ZNF850: variants seen among roughly 807,000 people sequenced by gnomAD.
ZNF850 encodes zinc finger protein 850.
In ZNF850, 2 loss-of-function variants were observed where a neutral mutation model predicts 11.9. The observed-to-expected ratio is 0.17, with a 90% CI of 0.07 to 0.53. The LOEUF is 0.53. ZNF850 is among the 20% of genes least tolerant of loss of function. ZNF850 has a pLI of 0.94. For synonymous variants in ZNF850, 381 were observed against 443.0 expected (o/e 0.86, Z 1.76); for missense variants, 1,014 against 1,316.4 (o/e 0.77, Z 3.55).
intron 4 of ZNF850, among the ~76,000 whole-genome samples, chr19:36,753,442 A>AAAAAAAAAAAAAAAC (rs2040466438): frequency 6.9e-6 from 1 of 145,434 alleles, no homozygotes; most frequent in African/African-American, 2.6e-5. Flanking sequence ...AAAAAAAAAA[A>AAAAAAAAAAAAAAAC]AAAAGCCGGG....
intron 4 of ZNF850, among the ~76,000 whole-genome samples, chr19:36,754,779 G>A (rs565761883): frequency 6.6e-6 from 1 of 151,984 alleles, no homozygotes; most frequent in Non-Finnish European, 1.5e-5. Flanking sequence ...CTGGTCTTGA[G>A]CTACTGACCT....
chr19:36,756,894 G>A (rs1339501718), intron 4 of ZNF850, among the ~76,000 whole-genome samples: 4 of 152,192 alleles, frequency 2.6e-5, no homozygotes, highest in Non-Finnish European at 4.4e-5. Flanking sequence ...GATTACAGGC[G>A]TGAGCCACCG....
intron 1 of ZNF850, among the ~76,000 whole-genome samples, chr19:36,769,640 A>G (rs2040569913): frequency 6.6e-6 from 1 of 152,200 alleles, no homozygotes; most frequent in African/African-American, 2.4e-5. Flanking sequence ...TCAGCGATGG[A>G]GTTGATGGAT....
At chr19:36,769,067 C>T (rs1445602511) in intron 1 of ZNF850, among the ~76,000 whole-genome samples, 2 of 151,396 alleles carry the variant, frequency 1.3e-5, no homozygotes, top group East Asian at 1.9e-4. Flanking sequence ...TCATGACCAG[C>T]CTGGCCAACA....
chr19:36,767,901 G>A (rs1003910035), intron 1 of ZNF850, among the ~76,000 whole-genome samples: 5 of 152,134 alleles, frequency 3.3e-5, no homozygotes, highest in East Asian at 3.9e-4. Context: ...TAACACCAAC[G>A]TGTTTTTAAA....
Position 36,748,084 on chromosome 19 carries a change from AT to A in ZNF850, c.2955del (p.Glu985AspfsTer12). ...GAGCCGCAAGTAAAAGATTTCCCAC[AT>A]TCTTTACATTCATAAGGTCTGTCAC... ...HTGDRPYECKECGKSFTCGSE... is the reference protein window; with the variant it reads ...HTGDRPYECKXCGKSFTCGSE... On this transcript the variant is annotated frameshift_variant, in exon 5 of 5. Coordinates refer to ENST00000591344, the MANE Select transcript of ZNF850 (RefSeq NM_001193552.2). LOFTEE classifies it low-confidence loss of function (END_TRUNC). 6.4e-7 allele frequency: 1 copy of A among 1,555,392 alleles called. No homozygotes were observed. The highest frequency in any genetic ancestry group is 8.7e-7 in the Non-Finnish European group (1 of 1,153,738).
Position 36,750,531 on chromosome 19 carries a change from TAC to T in ZNF850, c.507_508del (p.Tyr170Ter). ...AAAAGCCATACATTCTGTGGATTTA[TAC>T]AGTTTCTCTCCAGGATGAATCCGAT... is the stretch of plus-strand genomic sequence containing the variant. On this transcript the variant is annotated frameshift_variant, in exon 5 of 5. Coordinates refer to ENST00000591344, the MANE Select transcript of ZNF850 (RefSeq NM_001193552.2). LOFTEE classifies it low-confidence loss of function (END_TRUNC). 6.5e-7 allele frequency: 1 copy of T among 1,536,236 alleles called. No homozygotes were observed. The highest frequency in any genetic ancestry group is 8.7e-7 in the Non-Finnish European group (1 of 1,146,922).
At chr19:36,770,734 A>AAAAAAAAAAAC (rs2040576619) in intron 1 of ZNF850, among the ~76,000 whole-genome samples, 1 of 147,616 alleles carries the variant, frequency 6.8e-6, no homozygotes, top group Non-Finnish European at 1.5e-5. Flanking sequence ...AAAAAAAAAA[A>AAAAAAAAAAAC]AAAAGCCAGC....
At chr19:36,769,446 G>C (rs78311007) in intron 1 of ZNF850, among the ~76,000 whole-genome samples, 318 of 151,658 alleles carry the variant, frequency 2.1e-3, no homozygotes, top group African/African-American at 7.2e-3. Flanking sequence ...AAAATTATTT[G>C]TAATTATGCC....
intron 4 of ZNF850, among the ~76,000 whole-genome samples, chr19:36,757,355 T>C (rs2040492439): frequency 6.6e-6 from 1 of 152,056 alleles, no homozygotes; most frequent in Non-Finnish European, 1.5e-5. Context: ...TAGTAATACA[T>C]TTATGTTATG....
chr19:36,749,655 G>A lies in ZNF850; in HGVS notation c.1385C>T (p.Ser462Leu). 5.1e-6 allele frequency: 8 copies of A among 1,554,324 alleles called. No individual in the cohort carries two copies. Among genetic ancestry groups the A allele is most frequent in the Non-Finnish European group, 6.1e-6 (7 of 1,152,624 alleles). The change falls in exon 5 of 5, where the codon TCA (serine) becomes TTA (leucine). Residue 462 changes from serine (S) to leucine (L), a missense_variant. By Grantham distance (145) the Ser-to-Leu change is moderately radical. Around this residue, in one of 2 missense-constraint regions of ZNF850, gnomAD observed 835 missense variants for 1,022.0 expected, o/e 0.82. Transcript: ENST00000591344. ...AATCCGCTGATGTTGAAGTAGTGCT[G>A]AGCCCGAAGCAAAAGATTTCCCACA... ...KECGKSFASG[S>L]ALLQHQRIHT...
At chr19:36,772,125 A>G (rs552406696) in intron 1 of ZNF850, among the ~76,000 whole-genome samples, 1 of 152,194 alleles carries the variant, frequency 6.6e-6, no homozygotes, top group Non-Finnish European at 1.5e-5. Flanking sequence ...AGGCGTTTCT[A>G]TGTTGGGCCT....
chr19:36,749,244 G>C lies in ZNF850; in HGVS notation c.1796C>G (p.Thr599Ser), dbSNP rs763151983. 1 of 1,583,300 alleles carries C rather than the reference G, an allele frequency of 6.3e-7. No individual in the cohort carries two copies. Among genetic ancestry groups the C allele is most frequent in the Non-Finnish European group, 8.6e-7 (1 of 1,167,532 alleles). Residue 599 changes from threonine (T) to serine (S), a missense_variant, in exon 5 of 5, where the codon ACT becomes AGT. By Grantham distance (58) the Thr-to-Ser change is moderately conservative. Coordinates refer to ENST00000591344, the MANE Select transcript of ZNF850 (RefSeq NM_001193552.2). The stretch of plus-strand genomic sequence containing the variant: ...ATGTTGAAGTAGTGTTGAGCCAACA[G>C]TAAAAGATTTTCCACATTCCTTACA... ...YHCKECGKSF[T>S]VGSTLLQHQQ...
chr19:36,754,934 C>T (rs1949376925), intron 4 of ZNF850, among the ~76,000 whole-genome samples: 1 of 152,068 alleles, frequency 6.6e-6, no homozygotes, highest in African/African-American at 2.4e-5. Context: ...TACAGAGGAT[C>T]TTTACATCAA....
At chr19:36,766,257 T>C (rs1237529846) in intron 1 of ZNF850, among the ~76,000 whole-genome samples, 2 of 151,824 alleles carry the variant, frequency 1.3e-5, no homozygotes, top group Non-Finnish European at 2.9e-5. Context: ...CCAAAAAATC[T>C]GAAACAAATG....
chr19:36,757,497 T>C (rs918952949), intron 4 of ZNF850, among the ~76,000 whole-genome samples: 3 of 144,224 alleles, frequency 2.1e-5, no homozygotes, highest in African/African-American at 7.7e-5. Context: ...ACAGGAAATA[T>C]AGTTTCTTTT....
chr19:36,754,061 C>T (rs919993749), intron 4 of ZNF850, among the ~76,000 whole-genome samples: 1 of 150,802 alleles, frequency 6.6e-6, no homozygotes, highest in African/African-American at 2.4e-5. Context: ...TTCAGCTACT[C>T]GGGAGGCTGA....
At chr19:36,772,402 G>A (rs1010741865) in intron 1 of ZNF850, among the ~76,000 whole-genome samples, 1 of 152,088 alleles carries the variant, frequency 6.6e-6, no homozygotes, top group African/African-American at 2.4e-5. Context: ...GGCCACACAA[G>A]TTGCACTTGC....
At chr19:36,751,681 A>G (rs1362144212) in intron 4 of ZNF850, among the ~76,000 whole-genome samples, 1 of 148,770 alleles carries the variant, frequency 6.7e-6, no homozygotes, top group African/African-American at 2.5e-5. Flanking sequence ...CTAGGCAACA[A>G]AAACCAGACT....
Sources: allele counts gnomAD v4.1 joint callset (sites outside exome capture counted in the v4.1 genomes callset), GRCh38; gene constraint gnomAD v4.1.1; regional missense constraint gnomAD v4.1.1; transcripts MANE v1.5; gene names NCBI Gene and HGNC (gene_info 2026-07-23, HGNC 2026-07-21).